APBB1IP: variants seen among roughly 807,000 people sequenced by gnomAD.
APBB1IP encodes amyloid beta A4 precursor protein-binding family B member 1-interacting protein.
In APBB1IP, 27 loss-of-function variants were observed where a neutral mutation model predicts 64.9. The observed-to-expected ratio is 0.42, with a 90% confidence interval of 0.31 to 0.57. APBB1IP has a LOEUF of 0.57. Ranked by LOEUF, APBB1IP falls within the 20% of genes least tolerant of loss-of-function variation. APBB1IP has a pLI of 0.20. For missense variants in APBB1IP, 812 were observed against 845.5 expected, an observed-to-expected ratio of 0.96 and a Z score of 0.49; for synonymous variants, 392 against 331.0, an observed-to-expected ratio of 1.18 and a Z score of -2.00.
chr10:26,497,774 T>C (rs921549604), intron 4 of APBB1IP, among the ~76,000 whole-genome samples: 1 of 142,000 alleles, frequency 7.0e-6, no homozygotes, highest in Non-Finnish European at 1.5e-5. Flanking sequence ...TCACCTAGGC[T>C]GGAGTGCAGT....
intron 2 of APBB1IP, among the ~76,000 whole-genome samples, chr10:26,450,606 C>T (rs918158301): frequency 1.3e-5 from 2 of 151,394 alleles, no homozygotes; most frequent in African/African-American, 4.9e-5. Flanking sequence ...GACAATTACT[C>T]TTTGTGGAAC....
intron 2 of APBB1IP, among the ~76,000 whole-genome samples, chr10:26,466,035 G>A (rs926538801): frequency 2.0e-5 from 3 of 152,186 alleles, no homozygotes; most frequent in African/African-American, 7.2e-5. Flanking sequence ...GCTCCATGAT[G>A]TCTGTGACCT....
At chr10:26,523,565 T>C (rs1836432108) in intron 8 of APBB1IP, among the ~76,000 whole-genome samples, 1 of 152,088 alleles carries the variant, frequency 6.6e-6, no homozygotes, top group African/African-American at 2.4e-5. Flanking sequence ...AGGTCCACTT[T>C]AGAAAATGGT....
chr10:26,542,080 A>G (rs1410636704), intron 11 of APBB1IP, among the ~76,000 whole-genome samples: 4 of 152,248 alleles, frequency 2.6e-5, no homozygotes, highest in Admixed American at 1.3e-4. Flanking sequence ...TAGCCAAAAA[A>G]AAGTTGTTTT....
intron 2 of APBB1IP, among the ~76,000 whole-genome samples, chr10:26,445,416 T>C (rs2132393729): frequency 6.6e-6 from 1 of 152,294 alleles, no homozygotes; most frequent in East Asian, 1.9e-4. Flanking sequence ...ATAAATTCTT[T>C]TTTTAATTGT....
intron 11 of APBB1IP, among the ~76,000 whole-genome samples, chr10:26,552,111 C>G (rs1004450198): frequency 6.6e-6 from 1 of 152,154 alleles, no homozygotes; most frequent in Non-Finnish European, 1.5e-5. Context: ...CCAGCCTGAG[C>G]AACATATCAA....
intron 2 of APBB1IP, among the ~76,000 whole-genome samples, chr10:26,443,418 A>C (rs1835357705): frequency 6.7e-6 from 1 of 150,056 alleles, no homozygotes; most frequent in African/African-American, 2.5e-5. Context: ...TATCTCAAAA[A>C]AAAAAGTTTC....
At chr10:26,465,412 ACATCT>A (rs1399249385) in intron 2 of APBB1IP, among the ~76,000 whole-genome samples, 1 of 152,132 alleles carries the variant, frequency 6.6e-6, no homozygotes. Context: ...TTCGTGACAA[ACATCT>A]CATCATTATG....
chr10:26,539,211 G>C (rs1425469842), intron 10 of APBB1IP, among the ~76,000 whole-genome samples: 2 of 152,144 alleles, frequency 1.3e-5, no homozygotes, highest in Non-Finnish European at 2.9e-5. Context: ...AAGAGTTCAA[G>C]ACCAGCCTGA....
intron 2 of APBB1IP, among the ~76,000 whole-genome samples, chr10:26,479,665 T>A (rs1282677266): frequency 1.3e-5 from 2 of 152,256 alleles, no homozygotes; most frequent in African/African-American, 2.4e-5. Context: ...ATCTTTATGA[T>A]GATTAAATAA....
At chr10:26,511,496 T>A (rs773277745) in intron 6 of APBB1IP, among the ~76,000 whole-genome samples, 5 of 152,224 alleles carry the variant, frequency 3.3e-5, no homozygotes, top group Non-Finnish European at 7.3e-5. Context: ...CCCACCAGAC[T>A]GCCTGTCTCT....
chr10:26,491,759 GTTTTTTTT>G (rs11403116), intron 2 of APBB1IP, among the ~76,000 whole-genome samples: 1 of 116,582 alleles, frequency 8.6e-6, no homozygotes, highest in Admixed American at 9.8e-5. Context: ...TTTGTGTAAG[GTTTTTTTT>G]TTTTTTTTTT....
intron 11 of APBB1IP, among the ~76,000 whole-genome samples, chr10:26,556,450 GTA>G (rs1367477622): frequency 6.6e-6 from 1 of 152,182 alleles, no homozygotes; most frequent in Non-Finnish European, 1.5e-5. Context: ...GAATCCTCCT[GTA>G]TACATCCATA....
chr10:26,465,399 T>G (rs1835636987), intron 2 of APBB1IP, among the ~76,000 whole-genome samples: 1 of 152,162 alleles, frequency 6.6e-6, no homozygotes, highest in Non-Finnish European at 1.5e-5. Flanking sequence ...AATTTCTATT[T>G]TTTTCGTGAC....
chr10:26,535,932 A>T (rs2132465151), intron 9 of APBB1IP, 142 bp from the exon 10 acceptor site: 1 of 782,938 alleles, frequency 1.3e-6, no homozygotes, highest in Admixed American at 3.3e-5. Flanking sequence ...AATAGCATAT[A>T]ATATAAACAT....
At chr10:26,549,469 T>G (rs1836804991) in intron 11 of APBB1IP, among the ~76,000 whole-genome samples, 1 of 152,176 alleles carries the variant, frequency 6.6e-6, no homozygotes, top group African/African-American at 2.4e-5. Flanking sequence ...TAAGAGACTT[T>G]TTATTACAGC....
intron 6 of APBB1IP, 37 bp downstream of exon 6, chr10:26,503,311 A>G (rs753494919): frequency 4.1e-5 from 66 of 1,601,534 alleles, no homozygotes; most frequent in East Asian, 2.2e-4. Flanking sequence ...GGGCAGTTCA[A>G]TTAAGGACCT....
chr10:26,470,592 C>A lies in APBB1IP; in HGVS notation c.1-21735C>A, dbSNP rs148075522. Among the ~76,000 whole-genome samples, 17 of 152,240 alleles carry A rather than the reference C, an allele frequency of 1.1e-4. No homozygotes were observed. The East Asian group carries it at 3.3e-3, about 29-fold the overall frequency. On this transcript the variant is annotated intron_variant, in intron 2 of 14. Coordinates refer to ENST00000376236, the MANE Select transcript of APBB1IP (RefSeq NM_019043.4). ...TTAGATGATTTTGCCCAACTATAGG[C>A]TAGTGTAAGTTCTGAATACATTTAA...
At chr10:26,543,669 C>A (rs527594367) in intron 11 of APBB1IP, among the ~76,000 whole-genome samples, 1 of 151,866 alleles carries the variant, frequency 6.6e-6, no homozygotes, top group East Asian at 1.9e-4. Flanking sequence ...TGGCAAAGAA[C>A]AAAAAAATAT....
Sources: gnomAD v4.1 joint callset for allele counts (sites outside exome capture counted in the v4.1 genomes callset) on GRCh38, gnomAD v4.1.1 for gene constraint, MANE v1.5 for transcripts, NCBI Gene and HGNC (gene_info 2026-07-23, HGNC 2026-07-21) for gene names.